Variants in LRRC37A2 observed in about 807,000 individuals in gnomAD.
LRRC37A2 encodes leucine rich repeat containing 37 member A2.
Under a neutral mutation model 68.8 loss-of-function variants are expected in LRRC37A2, and 9 were observed. The ratio of observed to expected loss-of-function variants is 0.13; its 90% CI spans 0.08 to 0.23. LRRC37A2 has a LOEUF of 0.23. LRRC37A2 is among the 10% of genes least tolerant of loss of function. The probability of loss-of-function intolerance (pLI) is 1.00; values close to 1 mark genes in which losing one functional copy is unlikely to be tolerated. For synonymous variants in LRRC37A2, 63 were observed against 367.6 expected (o/e 0.17, Z 9.48); for missense variants, 168 against 950.4 (o/e 0.18, Z 10.82).
the LRRC37A2 span, chr17:47,028,323 T>C: frequency 2.0e-6 from 3 of 1,513,500 alleles, no homozygotes; most frequent in Middle Eastern, 2.3e-4. Flanking sequence ...CTTTGGAACA[T>C]TTCAGGCCTG....
At chr17:46,952,756 C>G in the LRRC37A2 span, 1 of 152,172 alleles carries the variant, frequency 6.6e-6, no homozygotes, top group African/African-American at 2.4e-5. Flanking sequence ...AGTTAAGTCC[C>G]TGGATTGAGC....
At chr17:46,493,836 C>T in the LRRC37A2 span, among the ~76,000 whole-genome samples, 1 of 150,584 alleles carries the variant, frequency 6.6e-6, no homozygotes, top group Non-Finnish European at 1.5e-5. Context: ...CACACCAGGC[C>T]TCTTTTATTT....
chr17:46,738,244 T>A, the LRRC37A2 span, among the ~76,000 whole-genome samples: 3 of 152,148 alleles, frequency 2.0e-5, no homozygotes, highest in Non-Finnish European at 4.4e-5. Flanking sequence ...TAAATTTTTT[T>A]AATTAACGTA....
the LRRC37A2 span, among the ~76,000 whole-genome samples, chr17:46,986,120 T>C: frequency 0.7 from 106,436 of 151,952 alleles, 37,897 homozygotes; most frequent in Middle Eastern, 0.78. Context: ...ACATTGTGAA[T>C]TTCCCTGGGG....
the LRRC37A2 span, chr17:46,721,574 A>ATTT: frequency 3.4e-6 from 5 of 1,491,536 alleles, no homozygotes; most frequent in Non-Finnish European, 4.6e-6. Context: ...TTATTTAGCC[A>ATTT]TTTTTGTTTA....
At chr17:46,835,503 G>A in the LRRC37A2 span, among the ~76,000 whole-genome samples, 1 of 152,126 alleles carries the variant, frequency 6.6e-6, no homozygotes, top group African/African-American at 2.4e-5. Flanking sequence ...GAGCCACCAC[G>A]CCCAGCCCAG....
the LRRC37A2 span, among the ~76,000 whole-genome samples, chr17:46,974,318 A>G: frequency 6.6e-6 from 1 of 152,236 alleles, no homozygotes; most frequent in Non-Finnish European, 1.5e-5. Flanking sequence ...GAGATTTACA[A>G]TAGACACCGG....
chr17:46,837,653 G>A, the LRRC37A2 span, among the ~76,000 whole-genome samples: 1 of 152,228 alleles, frequency 6.6e-6, no homozygotes, highest in African/African-American at 2.4e-5. Context: ...CCAAAGGACT[G>A]AGGCTGGGAA....
chr17:46,771,265 A>G, the LRRC37A2 span, among the ~76,000 whole-genome samples: 1 of 152,010 alleles, frequency 6.6e-6, no homozygotes, highest in African/African-American at 2.4e-5. Context: ...GACGGCGGCA[A>G]GGGGGCCCGA....
the LRRC37A2 span, among the ~76,000 whole-genome samples, chr17:46,832,428 G>A: frequency 6.9e-6 from 1 of 145,016 alleles, no homozygotes. Flanking sequence ...AGAGAAGGGA[G>A]GTTGGGGGGA....
At chr17:46,841,148 C>A in the LRRC37A2 span, among the ~76,000 whole-genome samples, 1 of 152,174 alleles carries the variant, frequency 6.6e-6, no homozygotes, top group Admixed American at 6.5e-5. Context: ...TCAAATTTAC[C>A]ATTTATTGAG....
At chr17:46,974,201 C>G in the LRRC37A2 span, among the ~76,000 whole-genome samples, 2 of 152,240 alleles carry the variant, frequency 1.3e-5, no homozygotes, top group African/African-American at 4.8e-5. Context: ...AACCAGCTAC[C>G]TGGGGAGCAA....
At chr17:47,030,088 AATCATC>A in the LRRC37A2 span, among the ~76,000 whole-genome samples, 1,624 of 107,052 alleles carry the variant, frequency 0.015, 63 homozygotes, top group East Asian at 0.063. Flanking sequence ...TAATAATAAT[AATCATC>A]ATCATCATCA....
At chr17:47,033,424 T>C in the LRRC37A2 span, 1 of 691,278 alleles carries the variant, frequency 1.4e-6, no homozygotes, top group South Asian at 1.5e-5. Flanking sequence ...TCTCCCCAAG[T>C]ACATCGCGCA....
the LRRC37A2 span, among the ~76,000 whole-genome samples, chr17:46,743,208 G>A: frequency 1.1e-4 from 17 of 152,112 alleles, no homozygotes; most frequent in East Asian, 9.6e-4. Flanking sequence ...GCCTCTCTGC[G>A]TCATTTGCTG....
the LRRC37A2 span, among the ~76,000 whole-genome samples, chr17:46,895,217 G>A: frequency 9.9e-5 from 15 of 152,234 alleles, no homozygotes; most frequent in African/African-American, 2.4e-5. Context: ...TTCAGCCACC[G>A]GTCAGTGCGG....
intron 11 of LRRC37A2, among the ~76,000 whole-genome samples, chr17:46,551,340 G>C (rs1258829884): frequency 2.7e-5 from 4 of 150,420 alleles, no homozygotes; most frequent in African/African-American, 1.0e-4. Context: ...TTGGAAGAGT[G>C]ATTTAATAAA....
chr17:46,886,927 C>T, the LRRC37A2 span, among the ~76,000 whole-genome samples: 2 of 152,174 alleles, frequency 1.3e-5, no homozygotes, highest in Admixed American at 6.5e-5. Flanking sequence ...AGCAATTCTC[C>T]TGCCTCAGCC....
At chr17:46,789,939 G>A in the LRRC37A2 span, among the ~76,000 whole-genome samples, 1 of 152,172 alleles carries the variant, frequency 6.6e-6, no homozygotes, top group Non-Finnish European at 1.5e-5. Context: ...TCCCAGGAGG[G>A]CTTCTTTGCG....
Sources: gnomAD v4.1 joint callset for allele counts (sites outside exome capture counted in the v4.1 genomes callset) on GRCh38, gnomAD v4.1.1 for gene constraint, MANE v1.5 for transcripts, NCBI Gene and HGNC (gene_info 2026-07-23, HGNC 2026-07-21) for gene names.